COL12A1: variants seen among roughly 807,000 people sequenced by gnomAD.
COL12A1 encodes the protein collagen alpha-1(XII) chain.
A neutral mutation model predicts 349.7 loss-of-function variants in COL12A1; 114 were observed. That is an observed-to-expected ratio of 0.33 (90% CI 0.28 to 0.38). The LOEUF (loss-of-function observed/expected upper bound fraction) is 0.38. Among genes scored for constraint, COL12A1 ranks in the 10% least tolerant of loss-of-function variants. COL12A1 has a pLI of 1.00. For synonymous variants in COL12A1, 1,369 were observed against 1,329.0 expected, an observed-to-expected ratio of 1.03 and a Z score of -0.66; for missense variants, 3,284 against 3,756.9, an observed-to-expected ratio of 0.87 and a Z score of 3.29.
chr6:75,171,484 A>G (rs1562269833), intron 13 of COL12A1, among the ~76,000 whole-genome samples: 1 of 152,204 alleles, frequency 6.6e-6, no homozygotes, highest in Non-Finnish European at 1.5e-5. Context: ...TCAAAATACA[A>G]AACAACAACA....
intron 44 of COL12A1, among the ~76,000 whole-genome samples, chr6:75,120,322 T>C (rs989633007): frequency 2.0e-5 from 3 of 152,204 alleles, no homozygotes; most frequent in Non-Finnish European, 4.4e-5. Flanking sequence ...AAATTTAGTA[T>C]ACTACTATTC....
intron 8 of COL12A1, among the ~76,000 whole-genome samples, chr6:75,188,103 G>A (rs1315454971): frequency 1.3e-5 from 2 of 152,012 alleles, no homozygotes; most frequent in African/African-American, 4.8e-5. Flanking sequence ...TTAAAGAAAA[G>A]AGTAAATCAT....
chr6:75,114,892 C>T (rs1285104717), intron 49 of COL12A1, among the ~76,000 whole-genome samples: 2 of 152,000 alleles, frequency 1.3e-5, no homozygotes, highest in Non-Finnish European at 2.9e-5. Flanking sequence ...AAACAATAGG[C>T]TGTCATAAGT....
intron 8 of COL12A1, among the ~76,000 whole-genome samples, chr6:75,187,157 A>AAT (rs35075147): frequency 0.025 from 3,561 of 143,334 alleles, 133 homozygotes; most frequent in African/African-American, 0.081. Flanking sequence ...AAAATAAATA[A>AAT]ATATATATAT....
chr6:75,138,280 T>C, intron 30 of COL12A1, 40 bp downstream of exon 30: 1 of 1,555,748 alleles, frequency 6.4e-7, no homozygotes, highest in Non-Finnish European at 8.8e-7. Flanking sequence ...ATTCATTCAT[T>C]ATTTGTTCAT....
chr6:75,095,004 C>T (rs1404860784), intron 60 of COL12A1, 104 bp downstream of exon 60: 10 of 1,009,544 alleles, frequency 9.9e-6, no homozygotes, highest in Non-Finnish European at 1.4e-5. Context: ...ATGCTTCAAA[C>T]ACATTACAGC....
At chr6:75,163,814 C>T (rs935562655) in intron 14 of COL12A1, among the ~76,000 whole-genome samples, 28 of 152,080 alleles carry the variant, frequency 1.8e-4, no homozygotes, top group Admixed American at 6.6e-4. Context: ...TTGCTTTTGG[C>T]GACAACACAT....
At chr6:75,162,514 A>G (rs1411503923) in intron 14 of COL12A1, among the ~76,000 whole-genome samples, 1 of 152,226 alleles carries the variant, frequency 6.6e-6, no homozygotes, top group East Asian at 1.9e-4. Flanking sequence ...TTAACTCAAG[A>G]TGGAGTAAAG....
chr6:75,179,264 CA>C (rs1582188028), intron 11 of COL12A1, among the ~76,000 whole-genome samples: 2 of 152,080 alleles, frequency 1.3e-5, no homozygotes, highest in East Asian at 3.9e-4. Flanking sequence ...GACCAATGAC[CA>C]AAAACTAGAG....
chr6:75,147,808 G>A lies in COL12A1; in HGVS notation c.4288-4C>T, dbSNP rs1327299008. Reference sequence around the variant, plus strand: ...TTTCCATTCGACTCACATAAAACTAGGGGGAAAAATTAAACAGAGCAACAA... The same window carrying A: ...TTTCCATTCGACTCACATAAAACTAAGGGGAAAAATTAAACAGAGCAACAA... On this transcript the variant is annotated splice_region_variant and splice_polypyrimidine_tract_variant and intron_variant, in intron 22 of 65. Coordinates refer to ENST00000322507, the MANE Select transcript of COL12A1 (RefSeq NM_004370.6). The A allele has an allele frequency of 6.2e-7, 1 of 1,610,956 alleles. No individual in the cohort carries two copies. The highest frequency in any genetic ancestry group is 1.7e-5 in the Admixed American group (1 of 59,506).
rs370108747 is a variant in COL12A1 at position 75,138,504 on chromosome 6, G to T, written c.5174C>A (p.Thr1725Asn). The T allele has an allele frequency of 1.9e-6, 3 of 1,614,070 alleles. No homozygotes were observed. The highest frequency in any genetic ancestry group is 1.6e-4 in the Middle Eastern group (1 of 6,062). ...NPNTIYEVSI[T>N]AIYPDESESD... ...TTCTGACTCATCAGGATAGATGGCA[G>T]TAATGGAAACTTCATAGATGGTGTT... The change falls in exon 29 of 66, where the codon ACT (threonine) becomes AAT (asparagine). Residue 1725 changes from threonine to asparagine, a missense_variant. Coordinates refer to ENST00000322507, the MANE Select transcript of COL12A1 (RefSeq NM_004370.6).
At chr6:75,130,033 TTCACTG>T in intron 37 of COL12A1, 52 bp downstream of exon 37, 1 of 1,587,838 alleles carries the variant, frequency 6.3e-7, no homozygotes, top group Non-Finnish European at 8.6e-7. Flanking sequence ...GAAGTTTAAC[TTCACTG>T]TCCATTCAGC....
chr6:75,157,281 T>C (rs191210172), intron 14 of COL12A1, among the ~76,000 whole-genome samples: 3 of 152,274 alleles, frequency 2.0e-5, no homozygotes, highest in Admixed American at 2.0e-4. Flanking sequence ...AGGACCATTT[T>C]ATTCAGTTCA....
At chr6:75,194,037 T>C (rs1467934879) in intron 3 of COL12A1, among the ~76,000 whole-genome samples, 5 of 152,170 alleles carry the variant, frequency 3.3e-5, no homozygotes, top group Non-Finnish European at 5.9e-5. Context: ...ACAATGAACA[T>C]ACGTGTGCAT....
Position 75,175,271 on chromosome 6 carries a change from G to A in COL12A1, c.2477C>T (p.Thr826Met), listed in dbSNP as rs1369556861. ...NPRDLRVSDPTTSTMKLSWSG... is the reference protein window; with the variant it reads ...NPRDLRVSDPMTSTMKLSWSG... ...CCAAGATAATTTCATAGTAGACGTC[G>A]TAGGGTCAGAAACTCTTAAGTCTCT... Residue 826 changes from threonine (T) to methionine (M), a missense_variant, in exon 13 of 66, where the codon ACG (threonine) becomes ATG (methionine). Thr to Met is a moderately conservative substitution (Grantham distance 81, BLOSUM62 -1). Transcript: ENST00000322507. The A allele has an allele frequency of 1.4e-5, 23 of 1,614,000 alleles. No homozygotes were observed. The highest frequency in any genetic ancestry group is 2.2e-5 in the South Asian group (2 of 91,078).
chr6:75,183,731 C>T (rs867939591), intron 9 of COL12A1, 79 bp from the exon 10 acceptor site: 10 of 1,443,320 alleles, frequency 6.9e-6, no homozygotes, highest in Middle Eastern at 1.8e-4. Flanking sequence ...TCTTAGTAAG[C>T]GTGCTTCTTT....
intron 14 of COL12A1, among the ~76,000 whole-genome samples, chr6:75,160,170 T>C (rs138509787): frequency 1.0e-3 from 154 of 152,272 alleles, no homozygotes; most frequent in African/African-American, 3.5e-3. Flanking sequence ...CATTGTAAGT[T>C]CTTTTCATGT....
At chr6:75,151,334 A>G (rs779687705) in intron 20 of COL12A1, 47 bp from the exon 21 acceptor site, 2 of 1,560,888 alleles carry the variant, frequency 1.3e-6, no homozygotes, top group Non-Finnish European at 8.8e-7. Context: ...TCAGAAAAAA[A>G]TTAATGGAAT....
intron 27 of COL12A1, among the ~76,000 whole-genome samples, chr6:75,140,978 C>T (rs141944348): frequency 1.3e-5 from 2 of 152,134 alleles, no homozygotes; most frequent in Non-Finnish European, 2.9e-5. Context: ...TTTTGAAGAA[C>T]TGTTACAGAA....
Sources: allele counts gnomAD v4.1 joint callset (sites outside exome capture counted in the v4.1 genomes callset), GRCh38; gene constraint gnomAD v4.1.1; transcripts MANE v1.5; gene names NCBI Gene and HGNC (gene_info 2026-07-23, HGNC 2026-07-21).